Variants in TNFSF11 observed in about 807,000 individuals in gnomAD.
TNFSF11 encodes the protein tumor necrosis factor ligand superfamily member 11.
A neutral mutation model predicts 32.2 loss-of-function variants in TNFSF11; 12 were observed. The ratio of observed to expected loss-of-function variants is 0.37; its 90% CI spans 0.24 to 0.60. The LOEUF is 0.60. Ranked by LOEUF, TNFSF11 falls within the 20% of genes least tolerant of loss-of-function variation. The pLI is 0.66. For synonymous variants in TNFSF11, 172 were observed against 152.1 expected, an observed-to-expected ratio of 1.13 and a Z score of -0.96; for missense variants, 345 against 398.0, an observed-to-expected ratio of 0.87 and a Z score of 1.13.
chr13:42,595,238 T>C lies in TNFSF11; in HGVS notation c.388-5514T>C, dbSNP rs781411097. Among the ~76,000 whole-genome samples the C allele has an allele frequency of 1.9e-4, 29 of 152,312 alleles. 2 individuals are homozygous for C. The Middle Eastern group carries it at 0.024, about 125-fold the overall frequency. On this transcript the variant is annotated intron_variant, in intron 2 of 4. Coordinates refer to ENST00000398795, the MANE Select transcript of TNFSF11 (RefSeq NM_003701.4). ...GCAGAGATTTCTTTGGTTGCTCTCT[T>C]TGGTAGTTCGGTTTCCTTTTTTTGT...
chr13:42,566,187 C>T (rs958889586), intron 1 of TNFSF11, among the ~76,000 whole-genome samples: 1 of 152,210 alleles, frequency 6.6e-6, no homozygotes, highest in African/African-American at 2.4e-5. Context: ...CAGGTAATCC[C>T]ATGCATCCTG....
At chr13:42,603,402 C>T (rs988717226) in intron 4 of TNFSF11, among the ~76,000 whole-genome samples, 3 of 152,100 alleles carry the variant, frequency 2.0e-5, no homozygotes, top group Non-Finnish European at 2.9e-5. Flanking sequence ...GTCAGTGTGC[C>T]TCAGTGATGA....
chr13:42,596,930 A>G (rs1054790368), intron 2 of TNFSF11, among the ~76,000 whole-genome samples: 2 of 152,200 alleles, frequency 1.3e-5, no homozygotes, highest in East Asian at 3.9e-4. Context: ...GGGTCAGGGT[A>G]TGGGTATCTT....
chr13:42,565,423 T>G (rs1253928896), intron 1 of TNFSF11, among the ~76,000 whole-genome samples: 1 of 152,142 alleles, frequency 6.6e-6, no homozygotes, highest in Non-Finnish European at 1.5e-5. Flanking sequence ...TACTACAACA[T>G]TTGCCTTAGA....
At chr13:42,566,052 G>A (rs1872858411) in intron 1 of TNFSF11, among the ~76,000 whole-genome samples, 1 of 152,178 alleles carries the variant, frequency 6.6e-6, no homozygotes, top group Non-Finnish European at 1.5e-5. Flanking sequence ...AGGAATAGAA[G>A]AGCACGGGCC....
rs1873180950 is a variant in TNFSF11 at position 42,574,194 on chromosome 13, AGTCGGCGCCCCAC to A, written c.-105_-93del. 2 of 1,445,314 alleles carry A rather than the reference AGTCGGCGCCCCAC, an allele frequency of 1.4e-6. No homozygotes were observed. Among genetic ancestry groups the A allele is most frequent in the Non-Finnish European group, 1.9e-6 (2 of 1,060,340 alleles). The allele number at this position is 1,445,314 out of a possible 1,614,324, so 89.5% of individuals were successfully genotyped here. ...CCCCAGGACCCAAAGCCGGGCTCCA[AGTCGGCGCCCCAC>A]GTCGAGGCTCCGCCGCAGCCTCCGG... On this transcript the variant is annotated 5_prime_UTR_variant, in exon 1 of 5. Coordinates refer to ENST00000398795, the MANE Select transcript of TNFSF11 (RefSeq NM_003701.4).
chr13:42,582,728 A>C (rs1416809707), intron 2 of TNFSF11, among the ~76,000 whole-genome samples: 2 of 152,220 alleles, frequency 1.3e-5, no homozygotes, highest in African/African-American at 4.8e-5. Flanking sequence ...TTAATGTTAC[A>C]GTGTAATTTT....
chr13:42,579,975 C>T (rs577911295), intron 1 of TNFSF11, among the ~76,000 whole-genome samples: 43 of 151,958 alleles, frequency 2.8e-4, no homozygotes, highest in African/African-American at 9.9e-4. Flanking sequence ...TGGATAGGCT[C>T]TTTTTAGTTT....
chr13:42,604,947 C>A (rs1352244050), intron 4 of TNFSF11, among the ~76,000 whole-genome samples: 1 of 152,110 alleles, frequency 6.6e-6, no homozygotes, highest in Admixed American at 6.6e-5. Flanking sequence ...CCGCGCCCAG[C>A]TAATTTTTTG....
intron 2 of TNFSF11, among the ~76,000 whole-genome samples, chr13:42,599,167 C>T (rs1037351341): frequency 3.9e-5 from 6 of 152,224 alleles, no homozygotes; most frequent in African/African-American, 1.4e-4. Context: ...GTGAAGACAG[C>T]TGTGCTATCT....
chr13:42,572,170 T>C (rs1055932231), upstream of TNFSF11, among the ~76,000 whole-genome samples: 1 of 152,132 alleles, frequency 6.6e-6, no homozygotes, highest in Non-Finnish European at 1.5e-5. Flanking sequence ...CTAGTAGAAA[T>C]GTCATATGAA....
rs45468495 is a variant in TNFSF11 at position 42,574,163 on chromosome 13, C to T, written c.-141C>T. On this transcript the variant is annotated 5_prime_UTR_variant, in exon 1 of 5. Coordinates refer to ENST00000398795, the MANE Select transcript of TNFSF11 (RefSeq NM_003701.4). ...CTGCCGGGCGCCCTGCCCGCTCGCC[C>T]GCGCGCCCCAGGACCCAAAGCCGGG... 5.3e-4 allele frequency: 632 copies of T among 1,185,326 alleles called. 7 individuals carry two copies. In the East Asian group the frequency reaches 0.016, roughly 29 times the overall value. 73.4% of individuals were successfully genotyped at this position (1,185,326 alleles called of 1,614,324 possible).
chr13:42,604,150 G>A (rs1869325514), intron 4 of TNFSF11, among the ~76,000 whole-genome samples: 1 of 152,126 alleles, frequency 6.6e-6, no homozygotes, highest in African/African-American at 2.4e-5. Flanking sequence ...ATAACTATAA[G>A]AAAAATCATT....
At chr13:42,601,060 T>C in intron 4 of TNFSF11, 79 bp downstream of exon 4, 3 of 1,522,758 alleles carry the variant, frequency 2.0e-6, no homozygotes, top group South Asian at 1.1e-5. Flanking sequence ...AACCTATTTT[T>C]AGTCTGTCAC....
chr13:42,591,495 A>C (rs1040994839), intron 2 of TNFSF11, among the ~76,000 whole-genome samples: 1 of 152,048 alleles, frequency 6.6e-6, no homozygotes, highest in African/African-American at 2.4e-5. Flanking sequence ...TACGGAACCT[A>C]GGCTGAGAAG....
intron 2 of TNFSF11, among the ~76,000 whole-genome samples, chr13:42,581,885 A>G (rs1156646097): frequency 6.6e-6 from 1 of 152,212 alleles, no homozygotes; most frequent in African/African-American, 2.4e-5. Context: ...GAGAAGACCA[A>G]TGACTTCTCT....
intron 1 of TNFSF11, among the ~76,000 whole-genome samples, chr13:42,577,056 T>C (rs916978204): frequency 6.6e-6 from 1 of 152,242 alleles, no homozygotes; most frequent in Non-Finnish European, 1.5e-5. Context: ...TCAGTAGTTT[T>C]TTGATTCCCA....
At chr13:42,566,780 G>A (rs953914589) in intron 2 of TNFSF11, 4 of 152,052 alleles carry the variant, frequency 2.6e-5, no homozygotes, top group African/African-American at 9.7e-5. Flanking sequence ...GATACTTGAG[G>A]TAAGGAGTTC....
In TNFSF11 at chr13:42,590,009, C is replaced by T. The variant is rs549102729; in HGVS notation, c.387+8716C>T. ...GCCCACCCACCTGTGGGGGTAGGTG[C>T]CCCTCCTGGGCCCACACGGGGCTTC... On this transcript the variant is annotated intron_variant, in intron 2 of 4. Transcript: ENST00000398795. Among the ~76,000 whole-genome samples, 5 of 152,358 alleles carry T rather than the reference C, an allele frequency of 3.3e-5. 1 individual carries two copies. In the South Asian group the frequency reaches 1.0e-3, roughly 32 times the overall value.
Sources: gnomAD v4.1 joint callset for allele counts (sites outside exome capture counted in the v4.1 genomes callset) on GRCh38, gnomAD v4.1.1 for gene constraint, MANE v1.5 for transcripts, NCBI Gene and HGNC (gene_info 2026-07-23, HGNC 2026-07-21) for gene names.